Variants in ZNF677 observed in about 807,000 individuals in gnomAD.
ZNF677 encodes the protein hypothetical protein MGC48625.
Under a neutral mutation model 8.1 loss-of-function variants are expected in ZNF677, and 5 were observed. The ratio of observed to expected loss-of-function variants is 0.62; its 90% confidence interval spans 0.32 to 1.29. ZNF677 has a LOEUF of 1.29. Ranked by LOEUF, ZNF677 falls within the 50% of genes most tolerant of loss-of-function variation. The probability of loss-of-function intolerance (pLI) is 0.05; values close to 1 mark genes in which losing one functional copy is unlikely to be tolerated. For synonymous variants in ZNF677, 221 were observed against 225.6 expected (o/e 0.98, Z 0.18); for missense variants, 685 against 685.9 (o/e 1.00, Z 0.01).
At chr19:53,251,469 G>T (rs1035476120) in intron 3 of ZNF677, 67 bp downstream of exon 3, 2 of 1,379,492 alleles carry the variant, frequency 1.4e-6, no homozygotes, top group East Asian at 2.3e-5. Flanking sequence ...GATAAAATTA[G>T]CAAGTCCAAA....
chr19:53,242,402 G>C (rs1044469992), intron 4 of ZNF677: 1 of 398,612 alleles, frequency 2.5e-6, no homozygotes, highest in Non-Finnish European at 4.4e-6. Flanking sequence ...TTCTAAGGAA[G>C]AGGCAGTGTG....
chr19:53,245,921 G>A (rs10419777), intron 3 of ZNF677, among the ~76,000 whole-genome samples: 45,525 of 151,614 alleles, frequency 0.3, 7,800 homozygotes, highest in African/African-American at 0.46. Context: ...CTGAGACAGG[G>A]GAATTGTTTG....
At chr19:53,243,345 TG>T in intron 4 of ZNF677, 1 of 253,108 alleles carries the variant, frequency 4.0e-6, no homozygotes, top group Non-Finnish European at 7.5e-6. Flanking sequence ...ACATTACACA[TG>T]GGTCTGCAAA....
chr19:53,248,688 G>C (rs566350013), intron 3 of ZNF677, among the ~76,000 whole-genome samples: 1 of 152,084 alleles, frequency 6.6e-6, no homozygotes, highest in Non-Finnish European at 1.5e-5. Context: ...ATCTTTTTGA[G>C]GGTCACTGTA....
chr19:53,249,885 T>A (rs1340584074), intron 3 of ZNF677, among the ~76,000 whole-genome samples: 2 of 152,130 alleles, frequency 1.3e-5, no homozygotes, highest in Admixed American at 6.5e-5. Flanking sequence ...TATTATTATT[T>A]TTTTGAGATG....
intron 4 of ZNF677, chr19:53,240,256 C>T (rs1204583377): frequency 6.6e-6 from 1 of 151,118 alleles, no homozygotes; most frequent in Non-Finnish European, 1.5e-5. Flanking sequence ...TTTTATTTAT[C>T]TATTTTTTGA....
chr19:53,237,477 T>C lies in ZNF677; in HGVS notation c.1250A>G (p.His417Arg), dbSNP rs762580328. Residue 417 changes from histidine (H) to arginine (R), a missense_variant, in exon 5 of 5, where the codon CAT (histidine) becomes CGT (arginine). Coordinates refer to ENST00000598513, the MANE Select transcript of ZNF677 (RefSeq NM_182609.4). ...ECGKAFKQCS[H>R]LTRHQNIHPG... ...ATGTATATTCTGATGCCTAGTGAGA[T>C]GTGAGCACTGCTTAAAAGCTTTGCC... is the stretch of plus-strand genomic sequence containing the variant. 5.6e-6 allele frequency: 9 copies of C among 1,613,924 alleles called. No individual in the cohort carries two copies. In the Middle Eastern group the frequency reaches 4.9e-4, roughly 89 times the overall value.
rs1186635705 is a variant in ZNF677, at chr19:53,237,362, T to C, written c.1365A>G (p.Gly455=). Residue 455 remains glycine, a synonymous_variant, in exon 5 of 5, where the codon GGA becomes GGG. Transcript: ENST00000598513. ...ATTTATTACATTTGTAAGGTTTTTC[T>C]CCAGTGTGAATTCTCTGATGTTCCA... is the stretch of plus-strand genomic sequence containing the variant. The part of the protein sequence containing the change: ...SLVEHQRIHT[G]EKPYKCNKCD... 1 of 1,613,970 alleles carries C rather than the reference T, an allele frequency of 6.2e-7. No homozygotes were observed. The highest frequency in any genetic ancestry group is 2.2e-5 in the East Asian group (1 of 44,868).
intron 4 of ZNF677, chr19:53,242,617 C>T (rs2091071036): frequency 1.5e-5 from 6 of 389,812 alleles, no homozygotes; most frequent in Non-Finnish European, 1.4e-5. Context: ...GTAGAGAGAC[C>T]GACAGTCTTT....
intron 2 of ZNF677, 43 bp from the exon 3 acceptor site, chr19:53,251,648 AC>A (rs2091235793): frequency 2.8e-6 from 4 of 1,428,340 alleles, no homozygotes; most frequent in Non-Finnish European, 1.9e-6. Context: ...AAATCAACAC[AC>A]CCCCTGCCTC....
rs1401632781 is a variant in ZNF677 at position 53,236,887 on chromosome 19, G to T, written c.*85C>A. 1.1e-5 allele frequency: 14 copies of T among 1,225,112 alleles called. No homozygotes were observed. The highest frequency in any genetic ancestry group is 1.3e-5 in the Non-Finnish European group (12 of 895,096). The allele number at this position is 1,225,112 out of a possible 1,614,324, so 75.9% of individuals were successfully genotyped here. A position where few individuals can be genotyped will look rare whatever the true frequency, so the allele number is the denominator to read the frequency against. On this transcript the variant is annotated 3_prime_UTR_variant, in exon 5 of 5. Transcript: ENST00000598513. ...GTTTATCTCAAAGATGTATATTCTG[G>T]TATCAAGTGAGACATAAGCCATAGC...
chr19:53,237,813 T>C lies in ZNF677; in HGVS notation c.914A>G (p.Asn305Ser), dbSNP rs2090989913. The C allele has an allele frequency of 6.2e-7, 1 of 1,612,920 alleles. No individual in the cohort carries two copies. Among genetic ancestry groups the C allele is most frequent in the Non-Finnish European group, 8.5e-7 (1 of 1,179,438 alleles). Reference sequence around the variant, plus strand: ...ATGGACTCTCTGATGCCTAGTGAGGTTCGAACACTGGTTAAAGGCTTTGCC... The same window carrying C: ...ATGGACTCTCTGATGCCTAGTGAGGCTCGAACACTGGTTAAAGGCTTTGCC... ...ECGKAFNQCS[N>S]LTRHQRVHTG... Residue 305 changes from asparagine to serine, a missense_variant, in exon 5 of 5, where the codon AAC becomes AGC. Physicochemically the swap from Asn to Ser is conservative, Grantham distance 46. Coordinates refer to ENST00000598513, the MANE Select transcript of ZNF677 (RefSeq NM_182609.4).
chr19:53,241,821 A>G, intron 4 of ZNF677: 1 of 398,662 alleles, frequency 2.5e-6, no homozygotes, highest in East Asian at 3.6e-5. Flanking sequence ...TCTGTCACCA[A>G]GGAAACCTCT....
chr19:53,237,301 C>A lies in ZNF677; in HGVS notation c.1426G>T (p.Gly476Cys). Reference protein sequence around the residue: ...KAFIKRSHLWGHQRTHTGEKP... With the variant: ...KAFIKRSHLWCHQRTHTGEKP... ...TCTCCAGTATGAGTTCTCTGATGAC[C>A]CCAAAGGTGTGAACGTTTGATAAAA... Residue 476 changes from glycine (G) to cysteine (C), a missense_variant, in exon 5 of 5, where the codon GGT becomes TGT. By Grantham distance (159) the Gly-to-Cys change is radical (BLOSUM62 -3). Coordinates refer to ENST00000598513, the MANE Select transcript of ZNF677 (RefSeq NM_182609.4). The A allele has an allele frequency of 6.2e-7, 1 of 1,613,194 alleles. No individual in the cohort carries two copies. The highest frequency in any genetic ancestry group is 8.5e-7 in the Non-Finnish European group (1 of 1,179,776).
At chr19:53,241,091 G>A (rs545309708) in intron 4 of ZNF677, 1 of 152,016 alleles carries the variant, frequency 6.6e-6, no homozygotes, top group East Asian at 1.9e-4. Flanking sequence ...ACAAAGTTTT[G>A]GAGGTTATAT....
chr19:53,245,710 G>A (rs535749662), intron 3 of ZNF677, among the ~76,000 whole-genome samples: 42 of 150,144 alleles, frequency 2.8e-4, no homozygotes, highest in African/African-American at 9.9e-4. Context: ...ACAGTACGGA[G>A]GTTCCTCAAA....
At chr19:53,239,578 T>C (rs557854815) in intron 4 of ZNF677, 1 of 151,958 alleles carries the variant, frequency 6.6e-6, no homozygotes, top group Admixed American at 6.6e-5. Flanking sequence ...CATTTTATTA[T>C]GTAGAGTCAG....
In ZNF677 at chr19:53,236,063, G is replaced by C. The variant is rs1352457502; in HGVS notation, c.*909C>G. ...AACAAAAAAACAAAAAACTAGCCAG[G>C]CATGATGGCGCATGCCTGTAATCCC... On this transcript the variant is annotated 3_prime_UTR_variant, in exon 5 of 5. Coordinates refer to ENST00000598513, the MANE Select transcript of ZNF677 (RefSeq NM_182609.4). 2 of 152,234 alleles carry C rather than the reference G, an allele frequency of 1.3e-5. No individual in the cohort carries two copies. The highest frequency in any genetic ancestry group is 6.6e-5 in the Admixed American group (1 of 15,262). The allele number at this position is 152,234 out of a possible 1,614,324, so 9.4% of individuals were successfully genotyped here.
In ZNF677 at chr19:53,237,097, T is replaced by A. The variant is rs1403895091; in HGVS notation, c.1630A>T (p.Lys544Ter). ...QKIHIEKKHC[K>*]HNIHGNALFQ... ...AAAGCATTACCATGTATATTATGTTTACAATGTTTCTTTTCAATGTGTATT... is the reference window on the plus strand; with the variant it reads ...AAAGCATTACCATGTATATTATGTTAACAATGTTTCTTTTCAATGTGTATT... The change falls in exon 5 of 5, where the codon AAA becomes TAA. Residue 544 changes from lysine to a stop codon, truncating the protein, a stop_gained. Coordinates refer to ENST00000598513, the MANE Select transcript of ZNF677 (RefSeq NM_182609.4). LOFTEE classifies it low-confidence loss of function (END_TRUNC). 6.2e-7 allele frequency: 1 copy of A among 1,613,806 alleles called. No individual in the cohort carries two copies. Among genetic ancestry groups the A allele is most frequent in the Non-Finnish European group, 8.5e-7 (1 of 1,179,958 alleles).
Sources: allele counts gnomAD v4.1 joint callset (sites outside exome capture counted in the v4.1 genomes callset), GRCh38; gene constraint gnomAD v4.1.1; transcripts MANE v1.5; gene names NCBI Gene and HGNC (gene_info 2026-07-23, HGNC 2026-07-21).